The following ASIC2 variants were observed in gnomAD, a reference collection of about 807,000 sequenced individuals.
ASIC2 encodes the protein acid sensing ion channel subunit 2.
Under a neutral mutation model 57.3 loss-of-function variants are expected in ASIC2, and 25 were observed. The ratio of observed to expected loss-of-function variants is 0.44; its 90% CI spans 0.32 to 0.61. The LOEUF (loss-of-function observed/expected upper bound fraction) is 0.61, where lower values mean the gene tolerates loss of function less well. Ranked by LOEUF, ASIC2 falls within the 20% of genes least tolerant of loss-of-function variation. The pLI, the probability that ASIC2 is intolerant of heterozygous loss-of-function variation, is 0.06. For synonymous variants in ASIC2, 319 were observed against 307.5 expected (o/e 1.04, Z -0.39); for missense variants, 641 against 738.1 (o/e 0.87, Z 1.52).
At position 33,688,102 on chromosome 17, in the gene ASIC2, G is replaced by A. The variant is rs1442566096; in HGVS notation, c.555+467876C>T. Among the ~76,000 whole-genome samples, 3 of 152,132 alleles carry A rather than the reference G, an allele frequency of 2.0e-5. No homozygotes were observed. In the East Asian group the frequency reaches 5.8e-4, roughly 29 times the overall value. On this transcript the variant is annotated intron_variant, in intron 1 of 9. Coordinates refer to the ASIC2 transcript ENST00000359872. ...AGAGGGGAATGTGTGTGTTGGGGGTGGCCTGAGGGTTAATTGGAACATTTT... is the reference window on the plus strand; with the variant it reads ...AGAGGGGAATGTGTGTGTTGGGGGTAGCCTGAGGGTTAATTGGAACATTTT...
intron 1 of ASIC2, among the ~76,000 whole-genome samples, chr17:33,406,370 C>A (rs895803755): frequency 1.3e-5 from 2 of 152,132 alleles, no homozygotes; most frequent in Non-Finnish European, 2.9e-5. Context: ...TCAATGTGGA[C>A]GGGGCATAAA....
intron 1 of ASIC2, among the ~76,000 whole-genome samples, chr17:33,848,587 C>T (rs1198715123): frequency 6.6e-6 from 1 of 152,192 alleles, no homozygotes; most frequent in Non-Finnish European, 1.5e-5. Context: ...CAACATTCTG[C>T]AGAGTTGACT....
intron 1 of ASIC2, among the ~76,000 whole-genome samples, chr17:34,113,228 G>T (rs573002980): frequency 1.1e-4 from 17 of 152,304 alleles, no homozygotes; most frequent in Non-Finnish European, 2.5e-4. Flanking sequence ...GAAGCTGGAG[G>T]AGTGGGGTGG....
intron 1 of ASIC2, among the ~76,000 whole-genome samples, chr17:33,958,640 G>T (rs1221206674): frequency 1.3e-5 from 2 of 152,098 alleles, no homozygotes; most frequent in South Asian, 2.1e-4. Flanking sequence ...TGAAGGGGGG[G>T]TCTTGGACCC....
At chr17:33,673,730 T>G (rs1907714785) in intron 1 of ASIC2, among the ~76,000 whole-genome samples, 1 of 152,176 alleles carries the variant, frequency 6.6e-6, no homozygotes, top group African/African-American at 2.4e-5. Context: ...AGCTCTCATC[T>G]TCAGGGGATT....
chr17:34,082,174 C>T (rs1909909510), intron 1 of ASIC2: 1 of 152,202 alleles, frequency 6.6e-6, no homozygotes, highest in African/African-American at 2.4e-5. Flanking sequence ...AAGTCCAGGC[C>T]AACAGACTCT....
chr17:33,149,852 T>A (rs1391071459), intron 1 of ASIC2, among the ~76,000 whole-genome samples: 1 of 152,230 alleles, frequency 6.6e-6, no homozygotes, highest in Non-Finnish European at 1.5e-5. Flanking sequence ...TTCTTATTTT[T>A]GTCTTTCCCA....
At chr17:34,095,457 G>T (rs1481634435) in intron 1 of ASIC2, among the ~76,000 whole-genome samples, 1 of 151,752 alleles carries the variant, frequency 6.6e-6, no homozygotes, top group Admixed American at 6.6e-5. Flanking sequence ...ATTGTAAGTG[G>T]TTTGCACTCA....
At chr17:33,365,748 T>A (rs1483295776) in intron 1 of ASIC2, among the ~76,000 whole-genome samples, 1 of 152,206 alleles carries the variant, frequency 6.6e-6, no homozygotes, top group Non-Finnish European at 1.5e-5. Context: ...ATCCCCTTTT[T>A]ATTTCATTTC....
chr17:33,132,289 T>TA (rs2092349505), intron 1 of ASIC2, among the ~76,000 whole-genome samples: 1 of 152,216 alleles, frequency 6.6e-6, no homozygotes, highest in Non-Finnish European at 1.5e-5. Flanking sequence ...ACTGGGTAGT[T>TA]AGTGAATTTC....
intron 1 of ASIC2, among the ~76,000 whole-genome samples, chr17:33,823,771 C>G (rs1223137429): frequency 6.6e-6 from 1 of 152,194 alleles, no homozygotes; most frequent in Non-Finnish European, 1.5e-5. Flanking sequence ...TTCCAGGCTT[C>G]AGCATTGGAA....
intron 1 of ASIC2, among the ~76,000 whole-genome samples, chr17:33,795,416 C>T (rs919856399): frequency 2.6e-5 from 4 of 152,258 alleles, no homozygotes; most frequent in African/African-American, 9.6e-5. Context: ...TGCCTTACTC[C>T]TTCACAGAAG....
intron 1 of ASIC2, among the ~76,000 whole-genome samples, chr17:33,501,650 G>C (rs773930478): frequency 2.6e-5 from 4 of 152,212 alleles, no homozygotes; most frequent in Non-Finnish European, 5.9e-5. Context: ...TGTGCTTGGA[G>C]GGGGCACACT....
At chr17:33,481,788 T>G (rs1324543175) in intron 1 of ASIC2, among the ~76,000 whole-genome samples, 1 of 152,204 alleles carries the variant, frequency 6.6e-6, no homozygotes, top group African/African-American at 2.4e-5. Flanking sequence ...TTATCTCCCC[T>G]ATCCACATGG....
chr17:33,575,616 T>C (rs1450264971), intron 1 of ASIC2, among the ~76,000 whole-genome samples: 1 of 152,186 alleles, frequency 6.6e-6, no homozygotes, highest in African/African-American at 2.4e-5. Flanking sequence ...AGCTGGGCAG[T>C]GCTATCTGCA....
chr17:34,111,946 A>G (rs747205031), intron 1 of ASIC2, among the ~76,000 whole-genome samples: 1 of 152,234 alleles, frequency 6.6e-6, no homozygotes, highest in Non-Finnish European at 1.5e-5. Context: ...ATAATAGAAT[A>G]CAAAATTATT....
chr17:33,178,333 T>C (rs1260776646), intron 1 of ASIC2, among the ~76,000 whole-genome samples: 3 of 152,154 alleles, frequency 2.0e-5, no homozygotes, highest in African/African-American at 7.2e-5. Flanking sequence ...CTGGTTTAGA[T>C]AGAGAGACAG....
intron 1 of ASIC2, among the ~76,000 whole-genome samples, chr17:33,453,078 A>G (rs970033551): frequency 4.6e-5 from 7 of 152,152 alleles, no homozygotes; most frequent in Non-Finnish European, 1.0e-4. Flanking sequence ...TATGCCTATG[A>G]GTTCTGCCTT....
intron 1 of ASIC2, among the ~76,000 whole-genome samples, chr17:33,261,025 G>A (rs553232421): frequency 4.6e-5 from 7 of 152,114 alleles, no homozygotes; most frequent in Non-Finnish European, 1.0e-4. Flanking sequence ...AGACCCTTGC[G>A]CTCCTGATTT....
Sources: allele counts gnomAD v4.1 joint callset (sites outside exome capture counted in the v4.1 genomes callset), GRCh38; gene constraint gnomAD v4.1.1; transcripts MANE v1.5; gene names NCBI Gene and HGNC (gene_info 2026-07-23, HGNC 2026-07-21).